TBC1D22A: variants seen among roughly 807,000 people sequenced by gnomAD.
The protein encoded by TBC1D22A is TBC1 domain family member 22A.
A neutral mutation model predicts 60.2 loss-of-function variants in TBC1D22A; 38 were observed. The ratio of observed to expected loss-of-function variants is 0.63; its 90% CI spans 0.49 to 0.83. TBC1D22A has a LOEUF of 0.83. Ranked by LOEUF, TBC1D22A falls within the 40% of genes least tolerant of loss-of-function variation. TBC1D22A has a pLI of 0.00. For synonymous variants in TBC1D22A, 302 were observed against 281.7 expected, an observed-to-expected ratio of 1.07 and a Z score of -0.72; for missense variants, 628 against 701.0, an observed-to-expected ratio of 0.90 and a Z score of 1.18.
chr22:46,902,842 G>A (rs985382192), intron 7 of TBC1D22A, among the ~76,000 whole-genome samples: 1 of 152,276 alleles, frequency 6.6e-6, no homozygotes, highest in South Asian at 2.1e-4. Flanking sequence ...GTCCTCAGCA[G>A]CGCACAGTTG....
At chr22:46,993,220 A>C (rs1434863906) in intron 9 of TBC1D22A, among the ~76,000 whole-genome samples, 1 of 152,198 alleles carries the variant, frequency 6.6e-6, no homozygotes, top group African/African-American at 2.4e-5. Flanking sequence ...AAAGTGCAGA[A>C]AGTGTTATTT....
intron 11 of TBC1D22A, among the ~76,000 whole-genome samples, chr22:47,076,486 C>G (rs1314149494): frequency 6.6e-6 from 1 of 151,210 alleles, no homozygotes; most frequent in Admixed American, 6.6e-5. Flanking sequence ...AATACCAAAT[C>G]CCCTGCATTT....
intron 8 of TBC1D22A, among the ~76,000 whole-genome samples, chr22:46,960,266 C>CTT (rs897986641): frequency 2.7e-5 from 4 of 145,982 alleles, no homozygotes; most frequent in Non-Finnish European, 4.5e-5. Context: ...TTGGACTCAT[C>CTT]TTTTTTTTTT....
chr22:46,888,300 G>C (rs1236367644), intron 5 of TBC1D22A, among the ~76,000 whole-genome samples: 1 of 152,238 alleles, frequency 6.6e-6, no homozygotes, highest in Non-Finnish European at 1.5e-5. Flanking sequence ...TGGGCAGAGG[G>C]TGACGTGGCT....
intron 11 of TBC1D22A, among the ~76,000 whole-genome samples, chr22:47,052,115 C>A (rs1011161267): frequency 6.6e-6 from 1 of 152,206 alleles, no homozygotes; most frequent in African/African-American, 2.4e-5. Context: ...CTCTGTCACT[C>A]TGAACATGGG....
intron 10 of TBC1D22A, among the ~76,000 whole-genome samples, chr22:47,019,946 C>T (rs1435656468): frequency 6.6e-6 from 1 of 151,098 alleles, no homozygotes; most frequent in Non-Finnish European, 1.5e-5. Context: ...ATCATGCCCT[C>T]TCCCTTAACC....
intron 12 of TBC1D22A, among the ~76,000 whole-genome samples, chr22:47,171,166 G>A (rs925342549): frequency 6.6e-6 from 1 of 152,194 alleles, no homozygotes; most frequent in Non-Finnish European, 1.5e-5. Flanking sequence ...CACTGCCCAA[G>A]ACCACCTGGA....
chr22:46,828,045 G>T (rs73468738), intron 4 of TBC1D22A, among the ~76,000 whole-genome samples: 5 of 152,078 alleles, frequency 3.3e-5, no homozygotes, highest in Non-Finnish European at 5.9e-5. Flanking sequence ...GGACTTTCAC[G>T]CCCCAGGGAC....
At chr22:47,097,949 C>T (rs1283307516) in intron 11 of TBC1D22A, among the ~76,000 whole-genome samples, 1 of 152,094 alleles carries the variant, frequency 6.6e-6, no homozygotes, top group Non-Finnish European at 1.5e-5. Context: ...GCTCTGAGTG[C>T]TAGGTATCCC....
Position 46,882,909 on chromosome 22 carries a change from G to A in TBC1D22A, c.708+4186G>A, listed in dbSNP as rs141698631. Among the ~76,000 whole-genome samples, 449 of 152,244 alleles carry A rather than the reference G, an allele frequency of 2.9e-3. 1 individual carries two copies. Among genetic ancestry groups the A allele is most frequent in the African/African-American group, 0.01 (428 of 41,524 alleles). The stretch of plus-strand genomic sequence containing the variant: ...TCTAGTAGCCTTATTTTTAATTGAT[G>A]AGTGGGCAGTGCCACTTCAATGAAG... On this transcript the variant is annotated intron_variant, in intron 5 of 12. Coordinates refer to ENST00000337137, the MANE Select transcript of TBC1D22A (RefSeq NM_014346.5).
intron 11 of TBC1D22A, among the ~76,000 whole-genome samples, chr22:47,106,586 T>C (rs954265950): frequency 2.0e-5 from 3 of 151,506 alleles, no homozygotes; most frequent in African/African-American, 7.3e-5. Flanking sequence ...TCTGAGAGGG[T>C]TTACAACCAA....
Position 46,878,647 on chromosome 22 carries a change from C to T in TBC1D22A, c.638-6C>T, listed in dbSNP as rs866911605. 6.2e-7 allele frequency: 1 copy of T among 1,612,952 alleles called. No homozygotes were observed. On this transcript the variant is annotated splice_polypyrimidine_tract_variant and splice_region_variant and intron_variant, in intron 4 of 12. Transcript: ENST00000337137. Reference sequence around the variant, plus strand: ...TGTTTTTCCTTGTCTCTTTTTTCATCAACAGAGGAATTACGGAGGTTGAGC... The same window carrying T: ...TGTTTTTCCTTGTCTCTTTTTTCATTAACAGAGGAATTACGGAGGTTGAGC...
At chr22:46,773,069 G>A (rs2083558078) in intron 1 of TBC1D22A, among the ~76,000 whole-genome samples, 1 of 152,252 alleles carries the variant, frequency 6.6e-6, no homozygotes, top group East Asian at 1.9e-4. Context: ...ACTTGCAGGG[G>A]CCTGTCCTGG....
At chr22:47,149,011 G>T (rs1017832531) in intron 12 of TBC1D22A, among the ~76,000 whole-genome samples, 1 of 152,184 alleles carries the variant, frequency 6.6e-6, no homozygotes, top group African/African-American at 2.4e-5. Flanking sequence ...CTTCATGCAG[G>T]TTATGGGTGT....
intron 12 of TBC1D22A, among the ~76,000 whole-genome samples, chr22:47,119,460 C>T (rs958748042): frequency 1.3e-5 from 2 of 152,042 alleles, no homozygotes; most frequent in African/African-American, 4.8e-5. Context: ...TGTCTTAGTC[C>T]ATTCCTGCTG....
intron 11 of TBC1D22A, among the ~76,000 whole-genome samples, chr22:47,050,190 A>C (rs958849110): frequency 6.6e-6 from 1 of 152,102 alleles, no homozygotes; most frequent in African/African-American, 2.4e-5. Flanking sequence ...TTTTTAGTAG[A>C]GACGGGGTTT....
intron 12 of TBC1D22A, among the ~76,000 whole-genome samples, chr22:47,139,887 G>T (rs900731318): frequency 6.6e-6 from 1 of 152,270 alleles, no homozygotes; most frequent in Non-Finnish European, 1.5e-5. Context: ...CTGTGGACCT[G>T]TTGCGAAGTC....
intron 8 of TBC1D22A, among the ~76,000 whole-genome samples, chr22:46,936,160 G>A (rs1407857722): frequency 6.6e-6 from 1 of 152,250 alleles, no homozygotes; most frequent in Admixed American, 6.5e-5. Flanking sequence ...TGACACTCAT[G>A]GTTCTTTCCT....
chr22:47,151,347 T>C (rs1318864958), intron 12 of TBC1D22A, among the ~76,000 whole-genome samples: 3 of 152,204 alleles, frequency 2.0e-5, no homozygotes, highest in African/African-American at 7.2e-5. Flanking sequence ...GCAGCCCCAC[T>C]GCATGCCTTC....
Sources: allele counts gnomAD v4.1 joint callset (sites outside exome capture counted in the v4.1 genomes callset), GRCh38; gene constraint gnomAD v4.1.1; transcripts MANE v1.5; gene names NCBI Gene and HGNC (gene_info 2026-07-23, HGNC 2026-07-21).